The following SFI1 variants were observed in gnomAD, a reference collection of about 807,000 sequenced individuals.
SFI1 encodes the protein protein SFI1 homolog.
SFI1 carries 195 observed loss-of-function variants against 207.5 expected under a neutral mutation model. The ratio of observed to expected loss-of-function variants is 0.94; its 90% CI spans 0.84 to 1.06. The LOEUF is 1.06. Ranked by LOEUF, SFI1 falls within the 50% of genes least tolerant of loss-of-function variation. The pLI is 0.00. For missense variants in SFI1, 1,634 were observed against 1,588.0 expected, an observed-to-expected ratio of 1.03 and a Z score of -0.49; for synonymous variants, 630 against 598.9, an observed-to-expected ratio of 1.05 and a Z score of -0.76.
chr22:31,531,030 A>G (rs751123826), intron 3 of SFI1, 28 bp from the exon 4 acceptor site: 1 of 1,591,554 alleles, frequency 6.3e-7, no homozygotes, highest in Non-Finnish European at 8.6e-7. Context: ...ATTTTAAAAT[A>G]TGTATATGCT....
chr22:31,602,830 G>A (rs1275793951), intron 17 of SFI1, 45 bp downstream of exon 17: 1 of 1,590,906 alleles, frequency 6.3e-7, no homozygotes, highest in East Asian at 2.2e-5. Context: ...TCACAGGCCA[G>A]CTTTGCTTGT....
intron 29 of SFI1, chr22:31,616,256 C>T (rs1019975056): frequency 6.5e-6 from 1 of 153,320 alleles, no homozygotes; most frequent in Non-Finnish European, 1.5e-5. Flanking sequence ...GCCACTTACC[C>T]TGGCTGGAAT....
Position 31,604,346 on chromosome 22 carries a change from T to G in SFI1, c.1919T>G (p.Met640Arg). Residue 640 changes from methionine to arginine, a missense_variant, in exon 19 of 33, where the codon ATG becomes AGG. Physicochemically the swap from Met to Arg is moderately conservative, Grantham distance 91 (BLOSUM62 -1). Transcript: ENST00000400288. ...ALRGAERQKL[M>R]RADLHHQHSV... ...CGGGGAGCGGAGCGGCAGAAGCTGA[T>G]GCGAGCAGACCTGCACCACCAGCAC... 1 of 1,580,756 alleles carries G rather than the reference T, an allele frequency of 6.3e-7. No homozygotes were observed. Among genetic ancestry groups the G allele is most frequent in the Non-Finnish European group, 8.6e-7 (1 of 1,165,500 alleles).
chr22:31,593,954 C>G (rs959035002), intron 15 of SFI1, among the ~76,000 whole-genome samples: 6 of 120,012 alleles, frequency 5.0e-5, no homozygotes, highest in African/African-American at 1.6e-4. Context: ...AGCTTCGGCT[C>G]CGCATGAGAG....
At chr22:31,582,500 C>G (rs1187833170) in intron 12 of SFI1, among the ~76,000 whole-genome samples, 1 of 151,554 alleles carries the variant, frequency 6.6e-6, no homozygotes, top group Non-Finnish European at 1.5e-5. Flanking sequence ...GATCCTCCCA[C>G]CTCGGCCTCC....
chr22:31,498,959 G>A (rs776879380), intron 1 of SFI1, among the ~76,000 whole-genome samples: 1 of 149,912 alleles, frequency 6.7e-6, no homozygotes, highest in Non-Finnish European at 1.5e-5. Context: ...CACCTGCTTC[G>A]GCCTCCCAAA....
Position 31,583,951 on chromosome 22 carries a change from A to T in SFI1, c.1325A>T (p.His442Leu), listed in dbSNP as rs189098164. Residue 442 changes from histidine (H) to leucine (L), a missense_variant, in exon 13 of 33, where the codon CAT (histidine) becomes CTT (leucine). His to Leu is a moderately conservative substitution (Grantham distance 99). Transcript: ENST00000400288. ...KKERELLPLL[H>L]AAWDHYRIAL... ...GAAAGAGAGCTGCTCCCCTTACTGC[A>T]TGCTGCCTGGGACCACTACAGGTAG... is the stretch of plus-strand genomic sequence containing the variant. 1.3e-4 allele frequency: 215 copies of T among 1,614,116 alleles called. No individual in the cohort carries two copies. The highest frequency in any genetic ancestry group is 6.6e-4 in the Middle Eastern group (4 of 6,058).
chr22:31,607,786 G>C, intron 21 of SFI1, 151 bp from the exon 22 acceptor site: 1 of 606,488 alleles, frequency 1.6e-6, no homozygotes, highest in Non-Finnish European at 3.0e-6. Context: ...TCAGTGGTCT[G>C]CGTGCAAGGC....
At chr22:31,578,059 A>G in intron 10 of SFI1, 1 of 183,662 alleles carries the variant, frequency 5.4e-6, no homozygotes, top group Non-Finnish European at 1.1e-5. Context: ...GAGACTATAG[A>G]AAAAGGAGCA....
chr22:31,546,886 C>T lies in SFI1; in HGVS notation c.364C>T (p.Arg122Trp), dbSNP rs200950795. The part of the protein sequence containing the change: ...ARFYYEQRLL[R>W]KVFEEWKEEW... ...ATTTTACTATGAGCAGCGATTACTA[C>T]GGAAGGTCTTCGAAGAATGGAAAGA... The change falls in exon 5 of 33, where the codon CGG becomes TGG. Residue 122 changes from arginine to tryptophan, a missense_variant. Coordinates refer to ENST00000400288, the MANE Select transcript of SFI1 (RefSeq NM_001007467.3). 9.3e-5 allele frequency: 149 copies of T among 1,610,502 alleles called. No homozygotes were observed. The highest frequency in any genetic ancestry group is 1.6e-4 in the Middle Eastern group (1 of 6,070).
At chr22:31,588,414 G>A (rs1372771748) in intron 14 of SFI1, among the ~76,000 whole-genome samples, 1 of 152,186 alleles carries the variant, frequency 6.6e-6, no homozygotes, top group East Asian at 1.9e-4. Context: ...TTTACCATGT[G>A]CTATTGGTCA....
Position 31,618,413 on chromosome 22 carries a change from T to C in SFI1, c.3724T>C (p.Cys1242Arg). Residue 1242 changes from cysteine (C) to arginine (R), a missense_variant, in exon 33 of 33, where the codon TGC (cysteine) becomes CGC (arginine). Cys to Arg is a radical substitution (Grantham distance 180, BLOSUM62 -3). Transcript: ENST00000400288. ...CATCCAGGCCCTGCGGCAGGCCCTG[T>C]GCTAGCGTGTTCGCACCAGGAACGC... ...ARIQALRQAL[C>R] is the part of the protein sequence containing the mutation. 6.3e-7 allele frequency: 1 copy of C among 1,578,138 alleles called. No individual in the cohort carries two copies. Among genetic ancestry groups the C allele is most frequent in the Non-Finnish European group, 8.6e-7 (1 of 1,158,058 alleles).
chr22:31,590,964 T>TTTATTTAC (rs2065789474), intron 15 of SFI1, among the ~76,000 whole-genome samples: 3 of 15,630 alleles, frequency 1.9e-4, no homozygotes, highest in Non-Finnish European at 5.9e-4. Context: ...TATTTATTTA[T>TTTATTTAC]TTATTTATTT....
chr22:31,576,738 C>G (rs924229139), intron 10 of SFI1, among the ~76,000 whole-genome samples: 18 of 151,818 alleles, frequency 1.2e-4, no homozygotes, highest in African/African-American at 4.3e-4. Context: ...CTTCCGGGTT[C>G]AAGCGATTCT....
At chr22:31,576,910 G>C (rs1353462591) in intron 10 of SFI1, among the ~76,000 whole-genome samples, 1 of 151,944 alleles carries the variant, frequency 6.6e-6, no homozygotes, top group Non-Finnish European at 1.5e-5. Flanking sequence ...CTTCCAAAGT[G>C]CTGTGATTAC....
At chr22:31,560,814 G>A (rs2061622549) in intron 7 of SFI1, among the ~76,000 whole-genome samples, 1 of 151,466 alleles carries the variant, frequency 6.6e-6, no homozygotes, top group African/African-American at 2.4e-5. Context: ...CTATTCTCCT[G>A]CCTCAGCCTC....
chr22:31,616,568 C>T (rs980806072), intron 29 of SFI1, 177 bp from the exon 30 acceptor site: 1 of 619,634 alleles, frequency 1.6e-6, no homozygotes. Flanking sequence ...GCCCTGTGTG[C>T]AGGGGCAGGC....
chr22:31,510,499 TCTCAGCTC>T (rs2055336917), intron 2 of SFI1, among the ~76,000 whole-genome samples: 1 of 152,136 alleles, frequency 6.6e-6, no homozygotes, highest in African/African-American at 2.4e-5. Flanking sequence ...GGTGGTGTGA[TCTCAGCTC>T]ACTGCAACCT....
At chr22:31,535,756 A>AT (rs1278445351) in intron 4 of SFI1, among the ~76,000 whole-genome samples, 2 of 151,944 alleles carry the variant, frequency 1.3e-5, no homozygotes, top group Non-Finnish European at 1.5e-5. Context: ...GTCTTTATAT[A>AT]TTTTTTAGAG....
Sources: gnomAD v4.1 joint callset for allele counts (sites outside exome capture counted in the v4.1 genomes callset) on GRCh38, gnomAD v4.1.1 for gene constraint, MANE v1.5 for transcripts, NCBI Gene and HGNC (gene_info 2026-07-23, HGNC 2026-07-21) for gene names.